SLC39A10: variants seen among roughly 807,000 people sequenced by gnomAD.
SLC39A10 encodes the protein zinc transporter ZIP10.
Under a neutral mutation model 65.1 loss-of-function variants are expected in SLC39A10, and 13 were observed. The ratio of observed to expected loss-of-function variants is 0.20; its 90% CI spans 0.13 to 0.32. The LOEUF is 0.32. Ranked by LOEUF, SLC39A10 falls within the 10% of genes least tolerant of loss-of-function variation. The pLI, the probability that SLC39A10 is intolerant of heterozygous loss-of-function variation, is 1.00. For missense variants in SLC39A10, 831 were observed against 1,018.4 expected, an observed-to-expected ratio of 0.82 and a Z score of 2.50; for synonymous variants, 321 against 342.2, an observed-to-expected ratio of 0.94 and a Z score of 0.68.
At chr2:195,693,890 C>CT (rs1559037337) in intron 3 of SLC39A10, among the ~76,000 whole-genome samples, 1 of 152,002 alleles carries the variant, frequency 6.6e-6, no homozygotes, top group Non-Finnish European at 1.5e-5. Context: ...GAGGTGTGAC[C>CT]TTGGATTGTC....
chr2:195,627,182 G>A (rs1688491130), intron 2 of SLC39A10, among the ~76,000 whole-genome samples: 1 of 152,114 alleles, frequency 6.6e-6, no homozygotes, highest in South Asian at 2.1e-4. Flanking sequence ...TTGCTATAAT[G>A]ACTCTAGAGA....
chr2:195,707,344 ATAGT>A (rs748691444), intron 4 of SLC39A10, among the ~76,000 whole-genome samples: 6 of 152,192 alleles, frequency 3.9e-5, no homozygotes, highest in Non-Finnish European at 8.8e-5. Context: ...TAACCTATCA[ATAGT>A]TAGTTAGGTA....
intron 1 of SLC39A10, among the ~76,000 whole-genome samples, chr2:195,673,801 T>C (rs1201070555): frequency 6.6e-6 from 1 of 152,234 alleles, no homozygotes; most frequent in Non-Finnish European, 1.5e-5. Context: ...TTCAGATTTA[T>C]AGAAAAGTAC....
At chr2:195,677,554 C>T (rs1422713676) in intron 1 of SLC39A10, among the ~76,000 whole-genome samples, 1 of 129,568 alleles carries the variant, frequency 7.7e-6, no homozygotes, top group Non-Finnish European at 1.8e-5. Flanking sequence ...AAAAAAAAAT[C>T]CACAAAGTTT....
At chr2:195,720,902 TC>T (rs1053217917) in intron 8 of SLC39A10, among the ~76,000 whole-genome samples, 1 of 152,210 alleles carries the variant, frequency 6.6e-6, no homozygotes, top group African/African-American at 2.4e-5. Context: ...ATTAAAGTCT[TC>T]CAGTAGCTTT....
intron 2 of SLC39A10, among the ~76,000 whole-genome samples, chr2:195,630,775 G>T (rs1373632147): frequency 6.6e-6 from 1 of 152,152 alleles, no homozygotes; most frequent in Non-Finnish European, 1.5e-5. Flanking sequence ...GAACTGAACT[G>T]GTTATTTCAC....
At chr2:195,717,864 T>TGTTA (rs1423096631) in intron 7 of SLC39A10, among the ~76,000 whole-genome samples, 1 of 152,226 alleles carries the variant, frequency 6.6e-6, no homozygotes, top group Non-Finnish European at 1.5e-5. Flanking sequence ...TTGATAAGGA[T>TGTTA]GTTAGCCATT....
intron 2 of SLC39A10, among the ~76,000 whole-genome samples, chr2:195,618,440 A>G (rs1688275414): frequency 6.6e-6 from 1 of 152,148 alleles, no homozygotes; most frequent in Admixed American, 6.5e-5. Context: ...CAGTTCTAGA[A>G]AAGTAAGTCA....
intron 1 of SLC39A10, among the ~76,000 whole-genome samples, chr2:195,663,687 G>A (rs1689505754): frequency 7.4e-6 from 1 of 135,728 alleles, no homozygotes; most frequent in East Asian, 2.2e-4. Context: ...GGTGTTTCAA[G>A]AATATAGAAG....
intron 3 of SLC39A10, among the ~76,000 whole-genome samples, chr2:195,701,507 A>G (rs1426066562): frequency 5.5e-5 from 8 of 144,848 alleles, no homozygotes; most frequent in African/African-American, 2.1e-4. Flanking sequence ...TGGTTTTATG[A>G]AAACTGGACA....
At chr2:195,712,408 A>T (rs1691633946) in intron 5 of SLC39A10, among the ~76,000 whole-genome samples, 1 of 152,250 alleles carries the variant, frequency 6.6e-6, no homozygotes, top group Non-Finnish European at 1.5e-5. Context: ...AAGGAAATTG[A>T]TAGTGGCCAT....
chr2:195,684,014 C>T, intron 3 of SLC39A10, 108 bp downstream of exon 3: 1 of 801,808 alleles, frequency 1.2e-6, no homozygotes, highest in Non-Finnish European at 1.9e-6. Flanking sequence ...CTTTTGTTGT[C>T]AGACTTTAAA....
At chr2:195,650,267 G>T (rs1191519540) in intron 2 of SLC39A10, among the ~76,000 whole-genome samples, 1 of 142,186 alleles carries the variant, frequency 7.0e-6, no homozygotes, top group Non-Finnish European at 1.5e-5. Flanking sequence ...GGGCGACAGA[G>T]ATGGACTCCT....
intron 2 of SLC39A10, among the ~76,000 whole-genome samples, chr2:195,632,965 C>A (rs1688620098): frequency 6.6e-6 from 1 of 152,186 alleles, no homozygotes; most frequent in South Asian, 2.1e-4. Context: ...GGACTAGATT[C>A]TCCTTGTAGA....
chr2:195,692,141 T>C (rs1351359289), intron 3 of SLC39A10, among the ~76,000 whole-genome samples: 1 of 152,188 alleles, frequency 6.6e-6, no homozygotes, highest in Non-Finnish European at 1.5e-5. Flanking sequence ...GTTGGCTTTG[T>C]TGAAGATCTG....
Position 195,716,794 on chromosome 2 carries a change from G to A in SLC39A10, c.1854G>A (p.Glu618=). The A allele has an allele frequency of 6.2e-7, 1 of 1,614,160 alleles. No homozygotes were observed. The highest frequency in any genetic ancestry group is 1.1e-5 in the South Asian group (1 of 91,080). Residue 618 remains glutamate (E), a synonymous_variant, in exon 7 of 10, where the codon GAG becomes GAA. Transcript: ENST00000359634. The part of the protein sequence containing the change: ...SHSDGLHTIH[E]HDLHAAAHNH... ...GTGATGGATTACATACCATTCATGA[G>A]CATGATCTCCATGCTGCTGCACATA...
At chr2:195,692,827 C>G (rs1012167488) in intron 3 of SLC39A10, among the ~76,000 whole-genome samples, 1 of 151,974 alleles carries the variant, frequency 6.6e-6, no homozygotes, top group East Asian at 1.9e-4. Flanking sequence ...GATTTCTTTC[C>G]CTTCTCTGAT....
At position 195,730,101 on chromosome 2, in the gene SLC39A10, T is replaced by C. The variant is rs79273281; in HGVS notation, c.2337+1752T>C. Among the ~76,000 whole-genome samples, 842 of 150,420 alleles carry C rather than the reference T, an allele frequency of 5.6e-3. 9 individuals carry two copies. The highest frequency in any genetic ancestry group is 0.02 in the African/African-American group (802 of 40,806). On this transcript the variant is annotated intron_variant, in intron 9 of 9. Transcript: ENST00000359634. ...ATTATAGGTATAAGCCAACATGCCCTGCCCATTGTTTATTTTTAAATTTTC... is the reference window on the plus strand; with the variant it reads ...ATTATAGGTATAAGCCAACATGCCCCGCCCATTGTTTATTTTTAAATTTTC...
intron 1 of SLC39A10, 56 bp downstream of exon 1, chr2:195,657,337 G>T (rs988513405): frequency 2.1e-6 from 2 of 966,702 alleles, no homozygotes; most frequent in Non-Finnish European, 2.5e-6. Context: ...GGCCCCGTGC[G>T]CGGCGGAGAC....
Sources: allele counts gnomAD v4.1 joint callset (sites outside exome capture counted in the v4.1 genomes callset), GRCh38; gene constraint gnomAD v4.1.1; transcripts MANE v1.5; gene names NCBI Gene and HGNC (gene_info 2026-07-23, HGNC 2026-07-21).